COLEC10: variants seen among roughly 807,000 people sequenced by gnomAD.
COLEC10 encodes the protein collectin-10.
Under a neutral mutation model 28.4 loss-of-function variants are expected in COLEC10, and 22 were observed. That is an observed-to-expected ratio of 0.78 (90% confidence interval 0.55 to 1.11). The LOEUF (loss-of-function observed/expected upper bound fraction) is 1.11, where lower values mean the gene tolerates loss of function less well. COLEC10 is among the 50% of genes least tolerant of loss of function. The pLI, the probability that COLEC10 is intolerant of heterozygous loss-of-function variation, is 0.00. For missense variants in COLEC10, 361 were observed against 344.1 expected (o/e 1.05, Z -0.39); for synonymous variants, 125 against 116.1 (o/e 1.08, Z -0.49).
intron 2 of COLEC10, among the ~76,000 whole-genome samples, chr8:119,056,249 C>A (rs564031136): frequency 6.6e-6 from 1 of 152,022 alleles, no homozygotes; most frequent in African/African-American, 2.4e-5. Context: ...AGGTTGCCTA[C>A]TCAATATCTA....
chr8:119,079,341 G>A lies in COLEC10; in HGVS notation c.149-10339G>A, dbSNP rs1815321730. 2.0e-5 allele frequency among the ~76,000 whole-genome samples: 3 copies of A among 152,224 alleles called. 1 individual carries two copies. The South Asian group carries it at 6.2e-4, about 32-fold the overall frequency. ...AACTGAGGCTTAAAGAATTTAAATG[G>A]GTTGCTAAAGTCCCATACCCTTTCA... On this transcript the variant is annotated intron_variant, in intron 1 of 5. Coordinates refer to ENST00000332843, the MANE Select transcript of COLEC10 (RefSeq NM_006438.5).
chr8:119,061,552 A>G (rs1814856872), intron 2 of COLEC10, among the ~76,000 whole-genome samples: 5 of 152,122 alleles, frequency 3.3e-5, no homozygotes. Context: ...CTAAAAGCTA[A>G]AAGAAAATAG....
At chr8:119,031,128 C>G (rs535560611) in intron 2 of COLEC10, among the ~76,000 whole-genome samples, 1 of 152,316 alleles carries the variant, frequency 6.6e-6, no homozygotes, top group Non-Finnish European at 1.5e-5. Context: ...TATCCTTCCT[C>G]TAAGGGTACA....
At chr8:119,035,626 T>C (rs1006267602) in intron 2 of COLEC10, among the ~76,000 whole-genome samples, 14 of 152,218 alleles carry the variant, frequency 9.2e-5, no homozygotes, top group Non-Finnish European at 1.8e-4. Context: ...TCAGTCATTT[T>C]GCATCCAAAG....
At chr8:119,013,835 A>G (rs1336330063) in intron 2 of COLEC10, among the ~76,000 whole-genome samples, 1 of 150,566 alleles carries the variant, frequency 6.6e-6, no homozygotes, top group Admixed American at 6.6e-5. Context: ...TTCTCCATCT[A>G]TTTACTTTTA....
rs887452440 is a variant in COLEC10 at position 119,106,878 on chromosome 8, C to T, written c.*687C>T. Among the ~76,000 whole-genome samples the T allele has an allele frequency of 2.0e-5, 3 of 152,112 alleles. No homozygotes were observed. Among genetic ancestry groups the T allele is most frequent in the Non-Finnish European group, 4.4e-5 (3 of 68,026 alleles). ...TATACCAAGTAGGTGCTTTGAACCC[C>T]TTTCTGTAGGCTCACACCTTAATCT... On this transcript the variant is annotated 3_prime_UTR_variant, in exon 6 of 6. Coordinates refer to ENST00000332843, the MANE Select transcript of COLEC10 (RefSeq NM_006438.5).
At chr8:119,076,465 G>T (rs921837419) in intron 1 of COLEC10, among the ~76,000 whole-genome samples, 1 of 151,988 alleles carries the variant, frequency 6.6e-6, no homozygotes, top group Non-Finnish European at 1.5e-5. Context: ...GTTTCACCAT[G>T]TTGGCCAGGC....
At chr8:119,006,860 C>CA (rs906662668) in intron 1 of COLEC10, among the ~76,000 whole-genome samples, 4 of 151,966 alleles carry the variant, frequency 2.6e-5, no homozygotes, top group South Asian at 2.1e-4. Context: ...AATTTGTTCA[C>CA]AAAAAAATCC....
intron 1 of COLEC10, among the ~76,000 whole-genome samples, chr8:119,081,015 T>A (rs779075103): frequency 6.6e-6 from 1 of 152,130 alleles, no homozygotes; most frequent in African/African-American, 2.4e-5. Context: ...ATCGGTCCCA[T>A]GATGATACAT....
intron 2 of COLEC10, among the ~76,000 whole-genome samples, chr8:119,049,234 T>C (rs1331297985): frequency 6.6e-6 from 1 of 152,082 alleles, no homozygotes; most frequent in Admixed American, 6.5e-5. Flanking sequence ...CCTCTGTACA[T>C]GACTTGATCT....
At chr8:119,041,998 G>GA (rs1814507009) in intron 2 of COLEC10, among the ~76,000 whole-genome samples, 1 of 151,262 alleles carries the variant, frequency 6.6e-6, no homozygotes, top group Non-Finnish European at 1.5e-5. Context: ...ATTGTTTTTG[G>GA]TTTTTTTTGG....
chr8:119,005,137 T>C (rs910587077), intron 1 of COLEC10, among the ~76,000 whole-genome samples: 1 of 152,126 alleles, frequency 6.6e-6, no homozygotes, highest in Non-Finnish European at 1.5e-5. Flanking sequence ...ACTCAATTCC[T>C]TTCCACATTG....
At chr8:119,033,006 T>C (rs1814319428) in intron 2 of COLEC10, among the ~76,000 whole-genome samples, 1 of 152,174 alleles carries the variant, frequency 6.6e-6, no homozygotes, top group Non-Finnish European at 1.5e-5. Context: ...CTCTCTCGAA[T>C]TTTTCCATCT....
At chr8:118,969,932 T>C in the COLEC10 span, among the ~76,000 whole-genome samples, 1 of 151,898 alleles carries the variant, frequency 6.6e-6, no homozygotes, top group Non-Finnish European at 1.5e-5. Context: ...GATGTTGTCA[T>C]CCCCAACAAA....
chr8:118,993,475 T>C (rs113583669), upstream of COLEC10, among the ~76,000 whole-genome samples: 10,479 of 152,068 alleles, frequency 0.069, 637 homozygotes, highest in East Asian at 0.17. Flanking sequence ...CTGCCTCAGC[T>C]TCCTGAGTAG....
rs766148764 is a variant in COLEC10 at position 119,010,549 on chromosome 8, A to AAG, written n.235+999_235+1000dup. On this transcript the variant is annotated intron_variant and non_coding_transcript_variant, in intron 2 of 6. Coordinates refer to the COLEC10 transcript ENST00000521788. The stretch of plus-strand genomic sequence containing the variant: ...GAACACAATTACTAGATTTTATGGT[A>AAG]AGAGTATGTTTATATTTGTATGACA... Among the ~76,000 whole-genome samples the AAG allele has an allele frequency of 3.3e-5, 5 of 150,968 alleles. 1 individual carries two copies.
At chr8:119,036,332 T>C (rs1003691053) in intron 2 of COLEC10, among the ~76,000 whole-genome samples, 2 of 152,234 alleles carry the variant, frequency 1.3e-5, no homozygotes, top group African/African-American at 2.4e-5. Flanking sequence ...GACTTTTCAA[T>C]GATCATGCAC....
intron 1 of COLEC10, among the ~76,000 whole-genome samples, chr8:119,085,058 G>A (rs1815445221): frequency 6.6e-6 from 1 of 152,218 alleles, no homozygotes; most frequent in Admixed American, 6.5e-5. Flanking sequence ...GCAATCCTAT[G>A]AGGTTGGGAT....
upstream of COLEC10, among the ~76,000 whole-genome samples, chr8:118,994,574 G>T (rs746298781): frequency 6.0e-4 from 91 of 152,128 alleles, no homozygotes; most frequent in African/African-American, 2.0e-3. Flanking sequence ...AACAAAGTCG[G>T]CCAGAGGTTA....
Sources: gnomAD v4.1 joint callset for allele counts (sites outside exome capture counted in the v4.1 genomes callset) on GRCh38, gnomAD v4.1.1 for gene constraint, MANE v1.5 for transcripts, NCBI Gene and HGNC (gene_info 2026-07-23, HGNC 2026-07-21) for gene names.